ZNF407: variants seen among roughly 807,000 people sequenced by gnomAD.
The protein encoded by ZNF407 is zinc finger protein 407.
Under a neutral mutation model 131.2 loss-of-function variants are expected in ZNF407, and 17 were observed. The ratio of observed to expected loss-of-function variants is 0.13; its 90% CI spans 0.09 to 0.19. ZNF407 has a LOEUF of 0.19. ZNF407 is among the 10% of genes least tolerant of loss of function. The pLI is 1.00. For missense variants in ZNF407, 2,681 were observed against 2,830.6 expected (o/e 0.95, Z 1.20); for synonymous variants, 1,156 against 1,062.0 (o/e 1.09, Z -1.72).
intron 8 of ZNF407, among the ~76,000 whole-genome samples, chr18:75,006,325 T>C (rs1972910111): frequency 6.6e-6 from 1 of 152,246 alleles, no homozygotes; most frequent in Non-Finnish European, 1.5e-5. Flanking sequence ...CCTTTTACTT[T>C]GTTTACTCTT....
At chr18:75,049,799 C>T (rs138632171) in intron 8 of ZNF407, among the ~76,000 whole-genome samples, 271 of 152,306 alleles carry the variant, frequency 1.8e-3, no homozygotes, top group African/African-American at 5.8e-3. Context: ...TCTCTATATT[C>T]ATGGCTATTT....
chr18:74,631,483 A>G lies in ZNF407; in HGVS notation c.464A>G (p.Gln155Arg). ...ACAGACACTGAAAAAACATCTGCTC[A>G]GGAAATGGTTTCCCTTGATCTGGAA... ...LKTDTEKTSAQEMVSLDLERE... is the reference protein window; with the variant it reads ...LKTDTEKTSAREMVSLDLERE... Residue 155 changes from glutamine (Q) to arginine (R), a missense_variant, in exon 2 of 9, where the codon CAG becomes CGG. Physicochemically the swap from Gln to Arg is conservative, Grantham distance 43 (BLOSUM62 1). This residue lies in a region of ZNF407 where 1,789 missense variants were observed against 1,748.7 expected (regional missense o/e 1.02). Transcript: ENST00000299687. 6.2e-7 allele frequency: 1 copy of G among 1,614,028 alleles called. No homozygotes were observed. The highest frequency in any genetic ancestry group is 8.5e-7 in the Non-Finnish European group (1 of 1,179,902).
rs560382259 is a variant in ZNF407, at chr18:74,608,617, G to T, written c.-54+10680G>T. Reference sequence around the variant, plus strand: ...CTGCCTTGGCCTCTCAAAGTGCTGGGATTACAGGTGTAAGCCACCGCGCCT... The same window carrying T: ...CTGCCTTGGCCTCTCAAAGTGCTGGTATTACAGGTGTAAGCCACCGCGCCT... On this transcript the variant is annotated intron_variant, in intron 1 of 8. Coordinates refer to ENST00000299687, the MANE Select transcript of ZNF407 (RefSeq NM_017757.3). Among the ~76,000 whole-genome samples the T allele has an allele frequency of 2.0e-5, 3 of 152,284 alleles. No homozygotes were observed. The South Asian group carries it at 6.2e-4, about 32-fold the overall frequency.
chr18:74,870,300 A>G (rs1338025615), intron 4 of ZNF407, among the ~76,000 whole-genome samples: 2 of 152,176 alleles, frequency 1.3e-5, no homozygotes, highest in Non-Finnish European at 2.9e-5. Context: ...TTCTTTTCCA[A>G]CTAGTTAACA....
At chr18:74,910,430 T>G (rs1971654103) in intron 7 of ZNF407, among the ~76,000 whole-genome samples, 2 of 152,074 alleles carry the variant, frequency 1.3e-5, no homozygotes, top group African/African-American at 4.8e-5. Context: ...TTTTTGACCC[T>G]TTTAGAAAAA....
At chr18:74,743,404 C>T (rs910604809) in intron 3 of ZNF407, among the ~76,000 whole-genome samples, 9 of 151,894 alleles carry the variant, frequency 5.9e-5, no homozygotes, top group African/African-American at 9.7e-5. Flanking sequence ...CAAGATGTCT[C>T]GATTCTTGCT....
chr18:74,862,695 T>C (rs1970953704), intron 4 of ZNF407, among the ~76,000 whole-genome samples: 1 of 152,232 alleles, frequency 6.6e-6, no homozygotes, highest in Non-Finnish European at 1.5e-5. Context: ...AATAAATTTA[T>C]TTTAGAATCA....
chr18:74,943,818 G>A (rs562600383), intron 8 of ZNF407, among the ~76,000 whole-genome samples: 7 of 152,260 alleles, frequency 4.6e-5, no homozygotes, highest in African/African-American at 1.2e-4. Context: ...TGAGGATAGC[G>A]TGGGATTAGT....
At chr18:74,804,078 A>T (rs961805551) in intron 4 of ZNF407, 21 of 1,550,832 alleles carry the variant, frequency 1.4e-5, no homozygotes, top group Admixed American at 2.0e-5. Flanking sequence ...AACTGATGGG[A>T]CCTGCAGTGG....
chr18:74,604,251 C>G (rs1804413391), intron 1 of ZNF407, among the ~76,000 whole-genome samples: 1 of 152,140 alleles, frequency 6.6e-6, no homozygotes, highest in Admixed American at 6.5e-5. Flanking sequence ...TAGATGGGTC[C>G]TTGCCTAGTT....
At chr18:74,663,824 A>G (rs953512650) in intron 3 of ZNF407, among the ~76,000 whole-genome samples, 1 of 152,206 alleles carries the variant, frequency 6.6e-6, no homozygotes, top group Non-Finnish European at 1.5e-5. Flanking sequence ...ACACACCGTC[A>G]TTGCATCTTT....
intron 8 of ZNF407, among the ~76,000 whole-genome samples, chr18:74,994,957 G>A (rs1972763499): frequency 6.6e-6 from 1 of 152,170 alleles, no homozygotes; most frequent in Non-Finnish European, 1.5e-5. Context: ...ACGAAATGGT[G>A]TCCAAATGTT....
intron 7 of ZNF407, among the ~76,000 whole-genome samples, chr18:74,916,168 G>A (rs1255427723): frequency 1.6e-5 from 1 of 63,128 alleles, no homozygotes; most frequent in Non-Finnish European, 2.7e-5. Context: ...GGTATGGTGA[G>A]GTTGTATGCA....
intron 4 of ZNF407, among the ~76,000 whole-genome samples, chr18:74,811,424 T>C (rs929156157): frequency 2.6e-5 from 4 of 152,130 alleles, no homozygotes; most frequent in Non-Finnish European, 5.9e-5. Flanking sequence ...ACACTGTTGA[T>C]GGGACTGTAA....
At chr18:74,639,229 G>A (rs1984599594) in intron 2 of ZNF407, among the ~76,000 whole-genome samples, 1 of 152,164 alleles carries the variant, frequency 6.6e-6, no homozygotes, top group South Asian at 2.1e-4. Context: ...TAGTCACATG[G>A]CAGGTGCTGT....
intron 8 of ZNF407, among the ~76,000 whole-genome samples, chr18:75,027,059 C>A (rs1043758671): frequency 6.6e-6 from 1 of 152,214 alleles, no homozygotes; most frequent in African/African-American, 2.4e-5. Flanking sequence ...GATGGAGAGT[C>A]ACAGACACTC....
intron 3 of ZNF407, among the ~76,000 whole-genome samples, chr18:74,695,753 GA>G (rs1233617831): frequency 4.6e-5 from 7 of 152,094 alleles, no homozygotes; most frequent in Non-Finnish European, 1.0e-4. Context: ...TCTTCCCCAT[GA>G]TTTTGTTCTA....
At chr18:74,923,942 C>T (rs1027291416) in intron 8 of ZNF407, among the ~76,000 whole-genome samples, 37 of 152,012 alleles carry the variant, frequency 2.4e-4, no homozygotes, top group Non-Finnish European at 4.9e-4. Flanking sequence ...ATAGTCAAAA[C>T]TCCAAACTAC....
chr18:74,656,361 G>A (rs1265696867), intron 3 of ZNF407, among the ~76,000 whole-genome samples: 5 of 151,854 alleles, frequency 3.3e-5, no homozygotes, highest in Admixed American at 6.6e-5. Context: ...ACATACATAC[G>A]TACATACATA....
Sources: gnomAD v4.1 joint callset for allele counts (sites outside exome capture counted in the v4.1 genomes callset) on GRCh38, gnomAD v4.1.1 for gene constraint, gnomAD v4.1.1 regional missense constraint, MANE v1.5 for transcripts, NCBI Gene and HGNC (gene_info 2026-07-23, HGNC 2026-07-21) for gene names.